The following ANKRD13C variants were observed in gnomAD, a reference collection of about 807,000 sequenced individuals.
ANKRD13C encodes the protein ankyrin repeat domain 13C.
ANKRD13C carries 16 observed loss-of-function variants against 65.5 expected under a neutral mutation model. The observed-to-expected ratio is 0.24, with a 90% CI of 0.17 to 0.37. ANKRD13C has a LOEUF of 0.37. Ranked by LOEUF, ANKRD13C falls within the 10% of genes least tolerant of loss-of-function variation. The probability of loss-of-function intolerance (pLI) is 1.00; values close to 1 mark genes in which losing one functional copy is unlikely to be tolerated. For missense variants in ANKRD13C, 503 were observed against 655.9 expected, an observed-to-expected ratio of 0.77 and a Z score of 2.55; for synonymous variants, 235 against 238.7, an observed-to-expected ratio of 0.98 and a Z score of 0.14.
chr1:70,289,576 T>C (rs1679768739), intron 9 of ANKRD13C, among the ~76,000 whole-genome samples: 2 of 151,816 alleles, frequency 1.3e-5, no homozygotes, highest in African/African-American at 4.8e-5. Flanking sequence ...ACGCCATTTT[T>C]CTGCCTCAGC....
chr1:70,337,592 A>T (rs1326759690), intron 1 of ANKRD13C, among the ~76,000 whole-genome samples: 2 of 152,004 alleles, frequency 1.3e-5, no homozygotes, highest in African/African-American at 4.8e-5. Flanking sequence ...AAAATAAATA[A>T]ATAAAATAAA....
At chr1:70,270,759 G>C (rs1462161047) in intron 12 of ANKRD13C, 97 bp downstream of exon 12, 9 of 794,946 alleles carry the variant, frequency 1.1e-5, no homozygotes, top group Non-Finnish European at 1.8e-5. Context: ...CAGAGGTGTT[G>C]GGGACCCCTG....
chr1:70,287,474 T>A (rs766182819), intron 9 of ANKRD13C, among the ~76,000 whole-genome samples: 3 of 152,046 alleles, frequency 2.0e-5, no homozygotes, highest in African/African-American at 4.8e-5. Context: ...ATGTAAAATA[T>A]AAAGATATAA....
At chr1:70,273,027 T>A (rs370994951) in intron 11 of ANKRD13C, among the ~76,000 whole-genome samples, 97 of 129,230 alleles carry the variant, frequency 7.5e-4, no homozygotes, top group African/African-American at 2.4e-3. Context: ...ATAAATAAAA[T>A]AATAAAATAA....
intron 6 of ANKRD13C, among the ~76,000 whole-genome samples, chr1:70,302,811 T>A (rs1211237693): frequency 6.9e-6 from 1 of 145,560 alleles, no homozygotes; most frequent in Non-Finnish European, 1.5e-5. Context: ...GGGCTCCTGA[T>A]AATACCAAAA....
chr1:70,272,078 A>T (rs533047454), intron 11 of ANKRD13C, among the ~76,000 whole-genome samples: 2 of 151,008 alleles, frequency 1.3e-5, no homozygotes, highest in East Asian at 3.9e-4. Flanking sequence ...ATTTCATTTT[A>T]CTGTCTTATA....
At chr1:70,279,695 G>C (rs1012956618) in intron 9 of ANKRD13C, among the ~76,000 whole-genome samples, 11 of 151,812 alleles carry the variant, frequency 7.2e-5, no homozygotes, top group Non-Finnish European at 1.6e-4. Context: ...TAGAGATGGG[G>C]TTTCACCATG....
intron 1 of ANKRD13C, among the ~76,000 whole-genome samples, chr1:70,346,985 G>A (rs1355774030): frequency 4.0e-5 from 6 of 151,422 alleles, no homozygotes; most frequent in African/African-American, 1.5e-4. Flanking sequence ...CCAGCTACTC[G>A]GGAGGCTGAG....
chr1:70,316,478 T>C (rs1471092747), intron 3 of ANKRD13C, among the ~76,000 whole-genome samples: 1 of 151,070 alleles, frequency 6.6e-6, no homozygotes, highest in African/African-American at 2.4e-5. Context: ...AGCTCAGGAG[T>C]TCGAGACCAG....
At chr1:70,341,462 A>G (rs1180824532) in intron 1 of ANKRD13C, among the ~76,000 whole-genome samples, 3 of 151,166 alleles carry the variant, frequency 2.0e-5, no homozygotes, top group African/African-American at 7.3e-5. Flanking sequence ...CCCAGGTTCA[A>G]GCGATTCTCC....
At chr1:70,283,765 G>A (rs754343555) in intron 9 of ANKRD13C, among the ~76,000 whole-genome samples, 9 of 151,856 alleles carry the variant, frequency 5.9e-5, no homozygotes, top group Admixed American at 2.0e-4. Context: ...CTGAGATCAC[G>A]CCATTGCACT....
At chr1:70,314,008 C>G (rs1373916843) in intron 4 of ANKRD13C, among the ~76,000 whole-genome samples, 1 of 151,366 alleles carries the variant, frequency 6.6e-6, no homozygotes, top group Non-Finnish European at 1.5e-5. Flanking sequence ...ATTACACTTC[C>G]CAGTATAAAC....
rs577277468 is a variant in ANKRD13C, at chr1:70,259,777, A to G, written c.*2940T>C. 3.4e-4 allele frequency among the ~76,000 whole-genome samples: 52 copies of G among 152,336 alleles called. No homozygotes were observed. In the South Asian group the frequency reaches 4.1e-3, roughly 12 times the overall value. On this transcript the variant is annotated 3_prime_UTR_variant, in exon 13 of 13. Transcript: ENST00000370944. Reference sequence around the variant, plus strand: ...CTCTAGCATGTTTGTAAATATGGGTAATATCAATGAGCAGAAGGAAGCACC... The same window carrying G: ...CTCTAGCATGTTTGTAAATATGGGTGATATCAATGAGCAGAAGGAAGCACC...
At chr1:70,285,187 CTTTTTTTTTT>C (rs60703728) in intron 9 of ANKRD13C, among the ~76,000 whole-genome samples, 4 of 105,236 alleles carry the variant, frequency 3.8e-5, no homozygotes, top group Non-Finnish European at 7.2e-5. Flanking sequence ...TTTATAATGT[CTTTTTTTTTT>C]TTTTTTTTTT....
intron 7 of ANKRD13C, among the ~76,000 whole-genome samples, chr1:70,297,915 C>A (rs79460026): frequency 3.1e-5 from 4 of 127,258 alleles, no homozygotes; most frequent in South Asian, 2.6e-4. Context: ...GACTCCATCT[C>A]AAAAAAAAAA....
At chr1:70,328,611 G>A (rs148140404) in intron 2 of ANKRD13C, among the ~76,000 whole-genome samples, 138 of 152,218 alleles carry the variant, frequency 9.1e-4, no homozygotes, top group African/African-American at 3.2e-3. Flanking sequence ...GCAGTGAGCC[G>A]AGACAGCGCC....
At chr1:70,325,759 G>A (rs1681507704) in intron 2 of ANKRD13C, among the ~76,000 whole-genome samples, 1 of 152,052 alleles carries the variant, frequency 6.6e-6, no homozygotes, top group African/African-American at 2.4e-5. Flanking sequence ...CGTGCCTGTA[G>A]TCCCAGCTAA....
At chr1:70,306,366 G>A in intron 5 of ANKRD13C, 76 bp from the exon 6 acceptor site, 1 of 842,084 alleles carries the variant, frequency 1.2e-6, no homozygotes, top group Non-Finnish European at 1.8e-6. Flanking sequence ...AATTAAAAGA[G>A]TAATGTGACA....
At chr1:70,292,136 T>C in intron 9 of ANKRD13C, 1 of 241,612 alleles carries the variant, frequency 4.1e-6, no homozygotes, top group East Asian at 8.8e-5. Context: ...AATAATAACA[T>C]TAGGTTTCAC....
Sources: allele counts gnomAD v4.1 joint callset (sites outside exome capture counted in the v4.1 genomes callset), GRCh38; gene constraint gnomAD v4.1.1; transcripts MANE v1.5; gene names NCBI Gene and HGNC (gene_info 2026-07-23, HGNC 2026-07-21).